CDH2: variants seen among roughly 807,000 people sequenced by gnomAD.
CDH2 encodes the protein cadherin-2.
In CDH2, 17 loss-of-function variants were observed where a neutral mutation model predicts 92.0. The ratio of observed to expected loss-of-function variants is 0.18; its 90% CI spans 0.13 to 0.28. The LOEUF is 0.28. CDH2 is among the 10% of genes least tolerant of loss of function. The probability of loss-of-function intolerance (pLI) is 1.00; values close to 1 mark genes in which losing one functional copy is unlikely to be tolerated. For missense variants in CDH2, 862 were observed against 1,133.1 expected, an observed-to-expected ratio of 0.76 and a Z score of 3.44; for synonymous variants, 419 against 415.9, an observed-to-expected ratio of 1.01 and a Z score of -0.09.
intron 2 of CDH2, among the ~76,000 whole-genome samples, chr18:28,032,954 T>C (rs1010335771): frequency 6.6e-6 from 1 of 152,034 alleles, no homozygotes; most frequent in Non-Finnish European, 1.5e-5. Flanking sequence ...AGTTTAAATT[T>C]AGGGGGAAAG....
chr18:27,963,473 C>T lies in CDH2; in HGVS notation c.2398G>A (p.Ala800Thr), dbSNP rs2011462955. 1 of 1,613,936 alleles carries T rather than the reference C, an allele frequency of 6.2e-7. No individual in the cohort carries two copies. The change falls in exon 15 of 16, where the codon GCC becomes ACC. Residue 800 changes from alanine (A) to threonine (T), a missense_variant. By Grantham distance (58) the Ala-to-Thr change is moderately conservative (BLOSUM62 0). Transcript: ENST00000269141. Reference protein sequence around the residue: ...LQQPDTVEPDAIKPVGIRRMD... With the variant: ...LQQPDTVEPDTIKPVGIRRMD... ...CGTCGGATTCCCACAGGCTTGATGG[C>T]ATCAGGCTCCACAGTGTCAGGCTGC...
At chr18:27,981,500 T>C (rs1381013964) in intron 14 of CDH2, among the ~76,000 whole-genome samples, 2 of 152,336 alleles carry the variant, frequency 1.3e-5, no homozygotes, top group Admixed American at 6.5e-5. Context: ...ATGAGAGAGC[T>C]GGGGTATTGT....
chr18:27,982,129 C>T (rs546686066), intron 14 of CDH2, among the ~76,000 whole-genome samples: 1 of 152,246 alleles, frequency 6.6e-6, no homozygotes, highest in African/African-American at 2.4e-5. Context: ...GTACTAGTAT[C>T]ACAAGTTTCA....
chr18:28,111,071 G>A (rs567427298), intron 2 of CDH2, among the ~76,000 whole-genome samples: 1 of 152,302 alleles, frequency 6.6e-6, no homozygotes, highest in African/African-American at 2.4e-5. Context: ...GTTGCAAAAA[G>A]AGAGTTCTTA....
intron 12 of CDH2, 126 bp from the exon 13 acceptor site, chr18:27,985,359 T>C: frequency 1.3e-6 from 1 of 768,100 alleles, no homozygotes; most frequent in East Asian, 2.7e-5. Context: ...CTATGCTGCA[T>C]TCTAAATACT....
chr18:28,065,471 T>A (rs1412512015), intron 2 of CDH2, among the ~76,000 whole-genome samples: 1 of 152,202 alleles, frequency 6.6e-6, no homozygotes, highest in Non-Finnish European at 1.5e-5. Context: ...TAAAAAGATT[T>A]TTCAAAAGGA....
chr18:28,104,754 A>G (rs985326881), intron 2 of CDH2, among the ~76,000 whole-genome samples: 3 of 151,436 alleles, frequency 2.0e-5, no homozygotes, highest in Non-Finnish European at 2.9e-5. Context: ...TCTTCTATCT[A>G]GATAGATATA....
intron 2 of CDH2, among the ~76,000 whole-genome samples, chr18:28,047,880 A>G: frequency 6.6e-6 from 1 of 151,428 alleles, no homozygotes; most frequent in East Asian, 1.9e-4. Flanking sequence ...AAAAAAAAAA[A>G]AAAAAAAAAA....
intron 2 of CDH2, among the ~76,000 whole-genome samples, chr18:28,094,547 C>A (rs1220017): frequency 6.6e-6 from 1 of 151,538 alleles, no homozygotes; most frequent in South Asian, 2.1e-4. Flanking sequence ...GTAATCCCAG[C>A]ACTTTAGGAG....
intron 2 of CDH2, among the ~76,000 whole-genome samples, chr18:28,018,163 CAAAA>C (rs368206125): frequency 1.0e-5 from 1 of 97,200 alleles, no homozygotes. Flanking sequence ...ACAATAGCTA[CAAAA>C]AAAAAAAAAA....
At chr18:27,934,719 CTAA>C (rs1908979112) in intron 6 of CDH2, among the ~76,000 whole-genome samples, 2 of 58,098 alleles carry the variant, frequency 3.4e-5, no homozygotes, top group Non-Finnish European at 1.2e-4. Flanking sequence ...ATTAAATTAA[CTAA>C]TCAATTAACT....
chr18:28,172,813 C>A (rs1175508031), intron 1 of CDH2, among the ~76,000 whole-genome samples: 1 of 152,056 alleles, frequency 6.6e-6, no homozygotes. Context: ...GAACACAACA[C>A]TTCTTAAATA....
At chr18:28,125,520 G>C (rs1284093605) in intron 2 of CDH2, among the ~76,000 whole-genome samples, 1 of 152,068 alleles carries the variant, frequency 6.6e-6, no homozygotes. Flanking sequence ...TCCAAAAAAT[G>C]TGTTCTATGA....
At chr18:28,002,599 T>C (rs2012800788) in intron 7 of CDH2, among the ~76,000 whole-genome samples, 1 of 152,216 alleles carries the variant, frequency 6.6e-6, no homozygotes, top group Non-Finnish European at 1.5e-5. Context: ...ATCACATACA[T>C]GTTATTTGCA....
chr18:28,007,168 AT>A (rs61483221), intron 5 of CDH2, among the ~76,000 whole-genome samples: 5,674 of 129,966 alleles, frequency 0.044, 537 homozygotes, highest in African/African-American at 0.17. Context: ...AAAAAAAAAT[AT>A]ATATATATAT....
chr18:28,111,933 T>G (rs2015419937), intron 2 of CDH2, among the ~76,000 whole-genome samples: 2 of 152,122 alleles, frequency 1.3e-5, no homozygotes. Flanking sequence ...CTAACAAACT[T>G]TTACAAGTAT....
intron 6 of CDH2, among the ~76,000 whole-genome samples, chr18:27,938,876 T>G (rs1567928745): frequency 6.6e-6 from 1 of 152,220 alleles, no homozygotes; most frequent in Non-Finnish European, 1.5e-5. Context: ...AATTGGGATA[T>G]TCGAAGGAAA....
intron 2 of CDH2, among the ~76,000 whole-genome samples, chr18:28,112,459 G>A (rs2015428554): frequency 6.6e-6 from 1 of 152,196 alleles, no homozygotes; most frequent in Admixed American, 6.5e-5. Flanking sequence ...TCCTTTGAAG[G>A]AGGCACCGAG....
chr18:28,160,187 G>C (rs1195521329), intron 1 of CDH2, among the ~76,000 whole-genome samples: 3 of 151,968 alleles, frequency 2.0e-5, no homozygotes, highest in African/African-American at 7.3e-5. Flanking sequence ...AGGACCTCAG[G>C]AAAGACTATA....
Sources: gnomAD v4.1 joint callset for allele counts (sites outside exome capture counted in the v4.1 genomes callset) on GRCh38, gnomAD v4.1.1 for gene constraint, MANE v1.5 for transcripts, NCBI Gene and HGNC (gene_info 2026-07-23, HGNC 2026-07-21) for gene names.